Variants in RASSF8 observed in about 807,000 individuals in gnomAD.
RASSF8 encodes Ras association domain family member 8, also known as ras association domain-containing protein 8.
RASSF8 carries 22 observed loss-of-function variants against 48.5 expected under a neutral mutation model. That is an observed-to-expected ratio of 0.45 (90% confidence interval 0.32 to 0.65). RASSF8 has a LOEUF of 0.65. RASSF8 is among the 30% of genes least tolerant of loss of function. The probability of loss-of-function intolerance (pLI) is 0.03; values close to 1 mark genes in which losing one functional copy is unlikely to be tolerated. For missense variants in RASSF8, 418 were observed against 489.2 expected, an observed-to-expected ratio of 0.85 and a Z score of 1.37; for synonymous variants, 127 against 171.5, an observed-to-expected ratio of 0.74 and a Z score of 2.03.
At chr12:26,041,589 G>T (rs1233081461) in intron 2 of RASSF8, among the ~76,000 whole-genome samples, 2 of 152,094 alleles carry the variant, frequency 1.3e-5, no homozygotes, top group Non-Finnish European at 2.9e-5. Context: ...AAGAAGCAGA[G>T]TGGGGGGGTG....
At chr12:26,041,388 T>C (rs559343658) in intron 2 of RASSF8, among the ~76,000 whole-genome samples, 2 of 152,294 alleles carry the variant, frequency 1.3e-5, no homozygotes, top group Admixed American at 1.3e-4. Flanking sequence ...TTAATATTAT[T>C]TCCAATTTGT....
chr12:26,068,660 C>T (rs1176402177), intron 5 of RASSF8, 37 bp from the exon 6 acceptor site: 31 of 1,460,584 alleles, frequency 2.1e-5, no homozygotes, highest in Admixed American at 4.0e-5. Context: ...TCCAAGTTGA[C>T]GAGCTCATCA....
In RASSF8 at chr12:25,958,711, C is replaced by A; in HGVS notation, c.-640C>A. ...GCACCGGCCGCGGGAGCGAGCGGGT[C>A]GCCGACTCCTACGCCCGCGCTCCTC... is the stretch of plus-strand genomic sequence containing the variant. On this transcript the variant is annotated 5_prime_UTR_variant, in exon 1 of 6. Coordinates refer to ENST00000689635, the MANE Select transcript of RASSF8 (RefSeq NM_001394098.1). 3 of 146,658 alleles carry A rather than the reference C, an allele frequency of 2.0e-5. No homozygotes were observed. The South Asian group carries it at 6.0e-4, about 29-fold the overall frequency. 9.1% of individuals were successfully genotyped at this position (146,658 alleles called of 1,614,324 possible). A position where few individuals can be genotyped will look rare whatever the true frequency, so the allele number is the denominator to read the frequency against.
intron 2 of RASSF8, among the ~76,000 whole-genome samples, chr12:26,029,504 C>T (rs1024265905): frequency 6.6e-5 from 10 of 152,136 alleles, no homozygotes; most frequent in African/African-American, 2.4e-4. Flanking sequence ...TGTTTTGTCA[C>T]TTTTTATAAT....
intron 2 of RASSF8, among the ~76,000 whole-genome samples, chr12:26,019,563 CTGTGTGTGTGTG>C (rs56895234): frequency 0.18 from 27,210 of 148,164 alleles, 2,693 homozygotes; most frequent in Admixed American, 0.25. Context: ...CGGGCATACA[CTGTGTGTGTGTG>C]TGTGTGTGTG....
chr12:26,077,706 C>T (rs1944084445), downstream of RASSF8, among the ~76,000 whole-genome samples: 1 of 152,134 alleles, frequency 6.6e-6, no homozygotes, highest in South Asian at 2.1e-4. Context: ...AATTAGGAAC[C>T]TGGCTCATTG....
Position 26,017,463 on chromosome 12 carries a change from A to G in RASSF8, c.-109+22333A>G, listed in dbSNP as rs532760621. Among the ~76,000 whole-genome samples, 7 of 152,368 alleles carry G rather than the reference A, an allele frequency of 4.6e-5. 1 individual carries two copies. The South Asian group carries it at 1.4e-3, about 32-fold the overall frequency. Reference sequence around the variant, plus strand: ...CTACTACTACTAAGGCTGAGATAGAATGCCCAAAGAAGAGGCCCCCTGGGA... The same window carrying G: ...CTACTACTACTAAGGCTGAGATAGAGTGCCCAAAGAAGAGGCCCCCTGGGA... On this transcript the variant is annotated intron_variant, in intron 2 of 5. Coordinates refer to ENST00000689635, the MANE Select transcript of RASSF8 (RefSeq NM_001394098.1).
intron 2 of RASSF8, among the ~76,000 whole-genome samples, chr12:26,008,350 ATGT>A (rs1473096287): frequency 1.3e-5 from 2 of 152,194 alleles, no homozygotes; most frequent in African/African-American, 4.8e-5. Flanking sequence ...AGTTGATGTA[ATGT>A]TGTTCCATCC....
At chr12:26,060,962 T>C (rs2137277044) in intron 3 of RASSF8, among the ~76,000 whole-genome samples, 2 of 152,252 alleles carry the variant, frequency 1.3e-5, no homozygotes, top group East Asian at 3.9e-4. Context: ...GTGTGGAGGA[T>C]TTGGTACTGA....
intron 3 of RASSF8, among the ~76,000 whole-genome samples, chr12:26,060,581 T>C (rs1414338567): frequency 6.6e-6 from 1 of 152,178 alleles, no homozygotes; most frequent in Non-Finnish European, 1.5e-5. Flanking sequence ...ATCAAAAGCA[T>C]TTTACAGGCT....
chr12:25,986,852 C>T (rs914124360), intron 1 of RASSF8, among the ~76,000 whole-genome samples: 24 of 152,168 alleles, frequency 1.6e-4, no homozygotes, highest in African/African-American at 5.8e-4. Flanking sequence ...CTTATGGATT[C>T]GTACACACTG....
chr12:26,067,632 A>G lies in RASSF8; in HGVS notation c.1057A>G (p.Ile353Val). The G allele has an allele frequency of 6.2e-7, 1 of 1,614,118 alleles. No homozygotes were observed. The highest frequency in any genetic ancestry group is 8.5e-7 in the Non-Finnish European group (1 of 1,179,982). ...GCGGCAAGTCAATCTCCAGCAGTTC[A>G]TCCAGCAGACAGGGACAAAAGTTAC... The part of the protein sequence containing the change: ...ELRQVNLQQF[I>V]QQTGTKVTVL... Residue 353 changes from isoleucine to valine, a missense_variant, in exon 5 of 6, where the codon ATC becomes GTC. By Grantham distance (29) the Ile-to-Val change is conservative. Transcript: ENST00000689635.
intron 1 of RASSF8, chr12:25,959,580 G>C (rs1941179847): frequency 6.6e-6 from 1 of 152,212 alleles, no homozygotes; most frequent in Admixed American, 6.5e-5. Flanking sequence ...TTGGTTTATA[G>C]GTTTTTAAAT....
intron 1 of RASSF8, among the ~76,000 whole-genome samples, chr12:25,976,154 C>T (rs140570367): frequency 0.022 from 3,363 of 152,192 alleles, 60 homozygotes; most frequent in Middle Eastern, 0.034. Context: ...TGCCAACTTC[C>T]TAGAACTAAA....
At chr12:25,976,916 G>C (rs1321514037) in intron 1 of RASSF8, among the ~76,000 whole-genome samples, 8 of 152,118 alleles carry the variant, frequency 5.3e-5, no homozygotes, top group Non-Finnish European at 1.0e-4. Context: ...CGAAAGTTGT[G>C]AATTTAGCCT....
chr12:25,967,091 A>G (rs1463610990), intron 1 of RASSF8, among the ~76,000 whole-genome samples: 1 of 152,194 alleles, frequency 6.6e-6, no homozygotes, highest in Non-Finnish European at 1.5e-5. Context: ...TTTTTATTGT[A>G]TCAGTTGATA....
chr12:25,995,329 C>G (rs1336122519), intron 2 of RASSF8, among the ~76,000 whole-genome samples, 199 bp downstream of exon 2: 1 of 152,146 alleles, frequency 6.6e-6, no homozygotes, highest in African/African-American at 2.4e-5. Context: ...TCTGTTACCA[C>G]TGCAGTATAA....
chr12:25,969,511 G>A (rs1941435280), intron 1 of RASSF8, among the ~76,000 whole-genome samples: 1 of 152,164 alleles, frequency 6.6e-6, no homozygotes, highest in South Asian at 2.1e-4. Flanking sequence ...TTGCCAAGGG[G>A]AAGTAAGGCT....
In RASSF8 at chr12:26,035,472, T is replaced by A. The variant is rs187598091; in HGVS notation, c.-108-19764T>A. On this transcript the variant is annotated intron_variant, in intron 2 of 5. Transcript: ENST00000689635. ...AGTATATGAAATTATATAATTATAT[T>A]ATATAATTATATAATTATATGAAAT... Among the ~76,000 whole-genome samples the A allele has an allele frequency of 5.7e-3, 535 of 94,582 alleles. 3 individuals are homozygous for A. The highest frequency in any genetic ancestry group is 0.016 in the African/African-American group (506 of 31,646). 62.0% of individuals were successfully genotyped at this position (94,582 alleles called of 152,430 possible). A position where few individuals can be genotyped will look rare whatever the true frequency, so the allele number is the denominator to read the frequency against.
Sources: gnomAD v4.1 joint callset for allele counts (sites outside exome capture counted in the v4.1 genomes callset) on GRCh38, gnomAD v4.1.1 for gene constraint, MANE v1.5 for transcripts, NCBI Gene and HGNC (gene_info 2026-07-23, HGNC 2026-07-21) for gene names.